The following KSR2 variants were observed in gnomAD, a reference collection of about 807,000 sequenced individuals.
The protein encoded by KSR2 is kinase suppressor of ras 2.
A neutral mutation model predicts 107.8 loss-of-function variants in KSR2; 25 were observed. That is an observed-to-expected ratio of 0.23 (90% CI 0.17 to 0.32). The LOEUF is 0.32. KSR2 is among the 10% of genes least tolerant of loss of function. The probability of loss-of-function intolerance (pLI) is 1.00; values close to 1 mark genes in which losing one functional copy is unlikely to be tolerated. For synonymous variants in KSR2, 480 were observed against 507.0 expected (o/e 0.95, Z 0.71); for missense variants, 887 against 1,268.9 (o/e 0.70, Z 4.57).
chr12:117,699,067 T>A (rs1014420228), intron 4 of KSR2, among the ~76,000 whole-genome samples: 4 of 152,234 alleles, frequency 2.6e-5, no homozygotes, highest in Admixed American at 2.6e-4. Flanking sequence ...TCATTTAGTG[T>A]TCGGCAATAA....
At chr12:117,553,763 T>A (rs997023821) in intron 9 of KSR2, among the ~76,000 whole-genome samples, 8 of 152,110 alleles carry the variant, frequency 5.3e-5, no homozygotes, top group African/African-American at 1.9e-4. Context: ...GAGTTATCCC[T>A]CTATTAATTC....
intron 3 of KSR2, among the ~76,000 whole-genome samples, chr12:117,825,991 G>A (rs12300316): frequency 0.073 from 10,787 of 147,944 alleles, 1,232 homozygotes; most frequent in African/African-American, 0.23. Context: ...GAACAGGTGG[G>A]TGGATGGGTG....
intron 4 of KSR2, among the ~76,000 whole-genome samples, chr12:117,672,154 G>T (rs1353641629): frequency 6.6e-6 from 1 of 152,176 alleles, no homozygotes; most frequent in East Asian, 1.9e-4. Flanking sequence ...CAAGGCGGTG[G>T]GGGGAGGGGT....
At position 117,842,053 on chromosome 12, in the gene KSR2, A is replaced by G. The variant is rs1272368211; in HGVS notation, c.472+13375T>C. The stretch of plus-strand genomic sequence containing the variant: ...CAGGGGTTCTCAAAGCGTGTTCCCC[A>G]AACCAGCAGCACCAGCGTCGCCTGG... On this transcript the variant is annotated intron_variant, in intron 3 of 19. Coordinates refer to ENST00000339824, the MANE Select transcript of KSR2 (RefSeq NM_173598.6). This position sits in a 1 kb window ranked among gnomAD's most constrained non-coding sequence, Gnocchi z 4.2. Among the ~76,000 whole-genome samples the G allele has an allele frequency of 6.6e-6, 1 of 152,222 alleles. No homozygotes were observed. Among genetic ancestry groups the G allele is most frequent in the Admixed American group, 6.5e-5 (1 of 15,290 alleles).
chr12:117,683,011 TC>T (rs1431245285), intron 4 of KSR2, among the ~76,000 whole-genome samples: 1 of 151,898 alleles, frequency 6.6e-6, no homozygotes, highest in Non-Finnish European at 1.5e-5. Context: ...AGATGTACAG[TC>T]TAAGATGCAG....
intron 1 of KSR2, among the ~76,000 whole-genome samples, chr12:117,867,114 G>A (rs531427970): frequency 2.6e-5 from 4 of 152,004 alleles, no homozygotes; most frequent in Middle Eastern, 3.4e-3. Flanking sequence ...TCATGAGTTC[G>A]AGACCAGCCT....
chr12:117,563,746 T>C (rs910783047), intron 7 of KSR2, among the ~76,000 whole-genome samples: 6 of 152,098 alleles, frequency 3.9e-5, no homozygotes, highest in Non-Finnish European at 4.4e-5. Flanking sequence ...CAACCAACTA[T>C]AGGTGGGCGT....
intron 16 of KSR2, among the ~76,000 whole-genome samples, chr12:117,478,534 A>G (rs1871947328): frequency 6.6e-6 from 1 of 152,088 alleles, no homozygotes; most frequent in Admixed American, 6.5e-5. Flanking sequence ...CCTGGCCTCA[A>G]GCGACCCTCC....
At chr12:117,609,282 T>C (rs1881461524) in intron 5 of KSR2, among the ~76,000 whole-genome samples, 1 of 152,154 alleles carries the variant, frequency 6.6e-6, no homozygotes, top group Non-Finnish European at 1.5e-5. Context: ...TCCACAGGGT[T>C]GACGTGAAAT....
chr12:117,676,222 C>T (rs1184565794), intron 4 of KSR2, among the ~76,000 whole-genome samples: 1 of 152,158 alleles, frequency 6.6e-6, no homozygotes, highest in African/African-American at 2.4e-5. Context: ...GGCGATAGCC[C>T]TCATTTCTGG....
intron 3 of KSR2, among the ~76,000 whole-genome samples, chr12:117,836,678 C>T (rs1198799611): frequency 2.0e-5 from 3 of 152,248 alleles, no homozygotes; most frequent in Non-Finnish European, 4.4e-5. Flanking sequence ...AGCTGAATGA[C>T]GCAGCCGGGA....
chr12:117,671,580 C>T lies in KSR2; in HGVS notation c.987-3922G>A, dbSNP rs182970403. Reference sequence around the variant, plus strand: ...ACTCTGGCACACATCACATTCCCTTCTAATTCTTTGCCTTCCACACATGAC... The same window carrying T: ...ACTCTGGCACACATCACATTCCCTTTTAATTCTTTGCCTTCCACACATGAC... On this transcript the variant is annotated intron_variant, in intron 4 of 19. Coordinates refer to ENST00000339824, the MANE Select transcript of KSR2 (RefSeq NM_173598.6). 2.3e-4 allele frequency among the ~76,000 whole-genome samples: 35 copies of T among 152,338 alleles called. 1 individual carries two copies. The highest frequency in any genetic ancestry group is 7.3e-5 in the Non-Finnish European group (5 of 68,036).
intron 4 of KSR2, among the ~76,000 whole-genome samples, chr12:117,671,737 G>A (rs1031661543): frequency 4.6e-5 from 7 of 152,296 alleles, no homozygotes; most frequent in East Asian, 1.9e-4. Flanking sequence ...CAAGGAGTGC[G>A]CTTAAGAGCG....
At chr12:117,509,062 G>A (rs1164564559) in intron 14 of KSR2, among the ~76,000 whole-genome samples, 1 of 152,054 alleles carries the variant, frequency 6.6e-6, no homozygotes, top group African/African-American at 2.4e-5. Flanking sequence ...ATTGATAGGA[G>A]GATGGATGGA....
At chr12:117,667,706 C>T (rs1355292091) in intron 4 of KSR2, 48 bp from the exon 5 acceptor site, 7 of 1,456,124 alleles carry the variant, frequency 4.8e-6, no homozygotes, top group Admixed American at 4.9e-5. Context: ...TCCATAGGTG[C>T]ACAAAGTTAC....
At chr12:117,816,131 T>C (rs1183646660) in intron 3 of KSR2, among the ~76,000 whole-genome samples, 1 of 150,558 alleles carries the variant, frequency 6.6e-6, no homozygotes, top group Non-Finnish European at 1.5e-5. Context: ...TTGTGACTCC[T>C]TCAACCAATA....
intron 5 of KSR2, among the ~76,000 whole-genome samples, chr12:117,637,675 GTTTTTTTTTT>G (rs56169273): frequency 8.7e-5 from 8 of 92,086 alleles, no homozygotes; most frequent in African/African-American, 1.7e-4. Context: ...TCAGTTTTGG[GTTTTTTTTTT>G]TTTTTTTTTT....
chr12:117,942,139 A>G (rs534287633), intron 1 of KSR2, among the ~76,000 whole-genome samples: 1 of 152,342 alleles, frequency 6.6e-6, no homozygotes, highest in East Asian at 1.9e-4. Flanking sequence ...CTATTTTAAT[A>G]CAAGCATACA....
At chr12:117,690,480 G>A (rs57934110) in intron 4 of KSR2, among the ~76,000 whole-genome samples, 4,788 of 152,048 alleles carry the variant, frequency 0.031, 245 homozygotes, top group African/African-American at 0.11. Flanking sequence ...CAGGAGAATC[G>A]CTTAAACCTG....
Sources: allele counts gnomAD v4.1 joint callset (sites outside exome capture counted in the v4.1 genomes callset), GRCh38; gene constraint gnomAD v4.1.1; non-coding constraint Gnocchi (gnomAD v3.1); transcripts MANE v1.5; gene names NCBI Gene and HGNC (gene_info 2026-07-23, HGNC 2026-07-21).